Variants in ACLY observed in about 807,000 individuals in gnomAD.
The protein encoded by ACLY is ATP-citrate synthase.
In ACLY, 41 loss-of-function variants were observed where a neutral mutation model predicts 133.0. That is an observed-to-expected ratio of 0.31 (90% CI 0.24 to 0.40). The LOEUF (loss-of-function observed/expected upper bound fraction) is 0.40. ACLY is among the 10% of genes least tolerant of loss of function. The probability of loss-of-function intolerance (pLI) is 1.00; values close to 1 mark genes in which losing one functional copy is unlikely to be tolerated. For synonymous variants in ACLY, 495 were observed against 549.3 expected (o/e 0.90, Z 1.38); for missense variants, 1,046 against 1,453.8 (o/e 0.72, Z 4.56).
chr17:41,919,644 G>C (rs1354133332), upstream of ACLY, among the ~76,000 whole-genome samples: 2 of 152,208 alleles, frequency 1.3e-5, no homozygotes, highest in African/African-American at 2.4e-5. Flanking sequence ...TCACCTGCTC[G>C]CCTCAGCACG....
intron 16 of ACLY, 40 bp downstream of exon 16, chr17:41,892,239 A>T (rs1440402449): frequency 1.7e-5 from 6 of 357,308 alleles, no homozygotes; most frequent in Non-Finnish European, 2.7e-5. Context: ...CGCATAGTTC[A>T]TGGTCCCCAC....
chr17:41,886,139 T>C lies in ACLY; in HGVS notation c.2045A>G (p.Tyr682Cys), dbSNP rs148168367. 8.9e-4 allele frequency: 1,441 copies of C among 1,614,062 alleles called. No individual in the cohort carries two copies. Among genetic ancestry groups the C allele is most frequent in the Non-Finnish European group, 9.8e-4 (1,156 of 1,179,968 alleles). ...NIISRTTDGV[Y>C]EGVAIGGDRY... Reference sequence around the variant, plus strand: ...GTCCCCACCAATGGCCACGCCCTCATAGACGCCATCCGTGGTCCGAGAGAT... The same window carrying C: ...GTCCCCACCAATGGCCACGCCCTCACAGACGCCATCCGTGGTCCGAGAGAT... The change falls in exon 18 of 29, where the codon TAT (tyrosine) becomes TGT (cysteine). Residue 682 changes from tyrosine (Y) to cysteine (C), a missense_variant. Physicochemically the swap from Tyr to Cys is radical, Grantham distance 194. Transcript: ENST00000352035.
rs988841499 is a variant in ACLY at position 41,907,656 on chromosome 17, T to A, written c.617-84A>T. On this transcript the variant is annotated intron_variant, in intron 6 of 28. Coordinates refer to ENST00000352035, the MANE Select transcript of ACLY (RefSeq NM_001096.3). ...CCTCCAACCCCTCCACAAACACCGA[T>A]CCCATGGTGGCCCATTCAGGCCTCA... is the stretch of plus-strand genomic sequence containing the variant. 2.7e-6 allele frequency: 4 copies of A among 1,498,306 alleles called. No homozygotes were observed. In the African/African-American group the frequency reaches 4.1e-5, roughly 16 times the overall value. 92.8% of individuals were successfully genotyped at this position (1,498,306 alleles called of 1,614,324 possible).
Position 41,871,741 on chromosome 17 carries a change from T to G in ACLY, c.2885A>C (p.Lys962Thr). The G allele has an allele frequency of 6.2e-7, 1 of 1,614,172 alleles. No individual in the cohort carries two copies. The highest frequency in any genetic ancestry group is 8.5e-7 in the Non-Finnish European group (1 of 1,180,026). Reference sequence around the variant, plus strand: ...GATCAGCTTCCCTTCCTTCTTCATCTTGTTCACAAACTCCATGGGGATAAT... The same window carrying G: ...GATCAGCTTCCCTTCCTTCTTCATCGTGTTCACAAACTCCATGGGGATAAT... ...SGIIPMEFVN[K>T]MKKEGKLIMG... is the part of the protein sequence containing the mutation. The change falls in exon 25 of 29, where the codon AAG becomes ACG. Residue 962 changes from lysine to threonine, a missense_variant. Lys to Thr is a moderately conservative substitution (Grantham distance 78, BLOSUM62 -1). Coordinates refer to ENST00000352035, the MANE Select transcript of ACLY (RefSeq NM_001096.3).
chr17:41,907,296 A>AG, intron 7 of ACLY, 146 bp downstream of exon 7: 3 of 406,570 alleles, frequency 7.4e-6, no homozygotes, highest in Non-Finnish European at 8.6e-6. Flanking sequence ...CACCCCATTG[A>AG]GGTTTTAAGA....
At chr17:41,889,524 CAAAAAAAAAAAAAA>C (rs533387140) in intron 16 of ACLY, among the ~76,000 whole-genome samples, 19 of 31,602 alleles carry the variant, frequency 6.0e-4, no homozygotes, top group East Asian at 3.0e-3. Flanking sequence ...CTCCATTTCA[CAAAAAAAAAAAAAA>C]AAAAAAAAAA....
rs2049976708 is a variant in ACLY at position 41,913,898 on chromosome 17, T to C, written c.-23-2A>G. 2 of 1,613,948 alleles carry C rather than the reference T, an allele frequency of 1.2e-6. No homozygotes were observed. The highest frequency in any genetic ancestry group is 1.7e-6 in the Non-Finnish European group (2 of 1,179,848). ...TGGCTGCAGAGAGACCTGCTCTACC[T>C]GTCTGGGAGAGAGAAGCTGGTCAGA... On this transcript the variant is annotated splice_acceptor_variant, in intron 1 of 28. Coordinates refer to ENST00000352035, the MANE Select transcript of ACLY (RefSeq NM_001096.3). LOFTEE classifies it low-confidence loss of function (5UTR_SPLICE).
chr17:41,910,399 A>G, intron 3 of ACLY, 115 bp from the exon 4 acceptor site: 1 of 851,190 alleles, frequency 1.2e-6, no homozygotes, highest in Non-Finnish European at 1.9e-6. Flanking sequence ...ACACCCAGCA[A>G]AGAGAGATTT....
At chr17:41,883,369 T>C in intron 19 of ACLY, 137 bp from the exon 20 acceptor site, 1 of 662,082 alleles carries the variant, frequency 1.5e-6, no homozygotes, top group Non-Finnish European at 2.6e-6. Context: ...AAGGAAGATT[T>C]CTAAAGGAAC....
In ACLY at chr17:41,910,288, C is replaced by A. The variant is rs2049861765; in HGVS notation, c.283-4G>T. On this transcript the variant is annotated splice_region_variant and splice_polypyrimidine_tract_variant and intron_variant, in intron 3 of 28. Transcript: ENST00000352035. ...GGAAGCCTGTGGCCTTGCCAACCTA[C>A]AGAAAAATTGAGGGAGATGAAACTC... The A allele has an allele frequency of 2.5e-6, 4 of 1,613,286 alleles. 1 individual carries two copies.
intron 10 of ACLY, among the ~76,000 whole-genome samples, chr17:41,902,696 A>T (rs1484103800): frequency 6.6e-6 from 1 of 152,224 alleles, no homozygotes; most frequent in African/African-American, 2.4e-5. Flanking sequence ...CAAGTGCCCT[A>T]ACCAAGGGTC....
intron 12 of ACLY, 125 bp from the exon 13 acceptor site, chr17:41,897,964 T>C: frequency 1.3e-6 from 1 of 785,576 alleles, no homozygotes; most frequent in Non-Finnish European, 2.0e-6. Flanking sequence ...CTTTATAAGC[T>C]GCTTCCAAAA....
Position 41,892,311 on chromosome 17 carries a change from C to A in ACLY, c.1738G>T (p.Asp580Tyr). 6.3e-7 allele frequency: 1 copy of A among 1,588,276 alleles called. No individual in the cohort carries two copies. The highest frequency in any genetic ancestry group is 1.1e-5 in the South Asian group (1 of 90,642). The change falls in exon 16 of 29, where the codon GAC becomes TAC. Residue 580 changes from aspartate (D) to tyrosine (Y), a missense_variant. By Grantham distance (160) the Asp-to-Tyr change is radical. Coordinates refer to ENST00000352035, the MANE Select transcript of ACLY (RefSeq NM_001096.3). ...TAGTTCATGGTCTCCATGGTGCTGT[C>A]ATAGGCAGAGCGGAGAGAGGCAAAG... is the stretch of plus-strand genomic sequence containing the variant. Reference protein sequence around the residue: ...INFASLRSAYDSTMETMNYAQ... With the variant: ...INFASLRSAYYSTMETMNYAQ...
At chr17:41,879,297 G>T (rs981160362) in intron 20 of ACLY, among the ~76,000 whole-genome samples, 5 of 151,806 alleles carry the variant, frequency 3.3e-5, no homozygotes, top group African/African-American at 1.2e-4. Flanking sequence ...GTAGAGATGG[G>T]GTTTCACTAT....
intron 3 of ACLY, among the ~76,000 whole-genome samples, chr17:41,911,974 T>C (rs2049915626): frequency 6.6e-6 from 1 of 151,862 alleles, no homozygotes; most frequent in Non-Finnish European, 1.5e-5. Context: ...ATTAGCCAAG[T>C]ATGGTGCTGC....
Position 41,878,917 on chromosome 17 carries a change from A to T in ACLY, c.2273T>A (p.Phe758Tyr). The T allele has an allele frequency of 6.2e-7, 1 of 1,614,112 alleles. No individual in the cohort carries two copies. The highest frequency in any genetic ancestry group is 2.2e-5 in the East Asian group (1 of 44,880). ...CATMFSSEVQ[F>Y]GHAGACANQA... The stretch of plus-strand genomic sequence containing the variant: ...GTTGGCACAAGCTCCAGCATGGCCA[A>T]ACTGGACCTGGAAAGCAAAGGAAAG... Residue 758 changes from phenylalanine to tyrosine, a missense_variant, in exon 21 of 29, where the codon TTT (phenylalanine) becomes TAT (tyrosine). Around this residue, in one of 4 missense-constraint regions of ACLY, gnomAD observed 575 missense variants for 804.2 expected, o/e 0.71. Coordinates refer to ENST00000352035, the MANE Select transcript of ACLY (RefSeq NM_001096.3).
In ACLY at chr17:41,867,206, A is replaced by AT. The variant is rs2048489779; in HGVS notation, c.*603dup. 6.6e-6 allele frequency: 1 copy of AT among 152,670 alleles called. No homozygotes were observed. The highest frequency in any genetic ancestry group is 6.5e-5 in the Admixed American group (1 of 15,270). The allele number at this position is 152,670 out of a possible 1,614,324, so 9.5% of individuals were successfully genotyped here. A position where few individuals can be genotyped will look rare whatever the true frequency, so the allele number is the denominator to read the frequency against. ...TTTTGTGACAATGGCTAAGGATGCAATGGCCCCATCCCCCTGACATAAACA... is the reference window on the plus strand; with the variant it reads ...TTTTGTGACAATGGCTAAGGATGCAATTGGCCCCATCCCCCTGACATAAACA... On this transcript the variant is annotated 3_prime_UTR_variant, in exon 29 of 29. Coordinates refer to ENST00000352035, the MANE Select transcript of ACLY (RefSeq NM_001096.3).
chr17:41,872,052 T>C lies in ACLY; in HGVS notation c.2773A>G (p.Thr925Ala). Residue 925 changes from threonine to alanine, a missense_variant, in exon 24 of 29, where the codon ACC becomes GCC. Coordinates refer to ENST00000352035, the MANE Select transcript of ACLY (RefSeq NM_001096.3). ...CTTACGATGGTGAGCAGCCCCGAGG[T>C]GAGGCTGGAGACCAGGTCTTTCCCA... ...RAGKDLVSSL[T>A]SGLLTIGDRF... 1.9e-6 allele frequency: 3 copies of C among 1,613,976 alleles called. No homozygotes were observed. Among genetic ancestry groups the C allele is most frequent in the Non-Finnish European group, 2.5e-6 (3 of 1,179,926 alleles).
chr17:41,905,484 G>A (rs782331776), intron 9 of ACLY, 38 bp downstream of exon 9: 2 of 1,613,534 alleles, frequency 1.2e-6, no homozygotes, highest in African/African-American at 1.3e-5. Flanking sequence ...CTGTCCTGGG[G>A]AAGTGGGGAC....
Sources: allele counts gnomAD v4.1 joint callset (sites outside exome capture counted in the v4.1 genomes callset), GRCh38; gene constraint gnomAD v4.1.1; regional missense constraint gnomAD v4.1.1; transcripts MANE v1.5; gene names NCBI Gene and HGNC (gene_info 2026-07-23, HGNC 2026-07-21).